The following MYO5B variants were observed in gnomAD, a reference collection of about 807,000 sequenced individuals.
MYO5B encodes the protein myosin VB, also known as unconventional myosin-Vb.
A neutral mutation model predicts 229.3 loss-of-function variants in MYO5B; 143 were observed. The observed-to-expected ratio is 0.62, with a 90% CI of 0.54 to 0.72. MYO5B has a LOEUF of 0.72. Among genes scored for constraint, MYO5B ranks in the 30% least tolerant of loss-of-function variants. The pLI is 0.00. For synonymous variants in MYO5B, 918 were observed against 885.2 expected, an observed-to-expected ratio of 1.04 and a Z score of -0.66; for missense variants, 2,321 against 2,331.0, an observed-to-expected ratio of 1.00 and a Z score of 0.09.
intron 19 of MYO5B, 152 bp from the exon 20 acceptor site, chr18:49,904,980 A>C: frequency 1.1e-5 from 10 of 882,262 alleles, no homozygotes; most frequent in Non-Finnish European, 1.8e-5. Context: ...CCCCTAACAA[A>C]TGTAGCAATG....
chr18:50,083,683 G>C (rs1196587814), intron 1 of MYO5B, among the ~76,000 whole-genome samples: 1 of 152,106 alleles, frequency 6.6e-6, no homozygotes, highest in Non-Finnish European at 1.5e-5. Context: ...AGCCTCAGAG[G>C]GTTTCCCCTC....
intron 4 of MYO5B, among the ~76,000 whole-genome samples, chr18:50,020,640 C>T (rs145644556): frequency 2.6e-4 from 40 of 152,312 alleles, no homozygotes; most frequent in African/African-American, 7.0e-4. Flanking sequence ...TCAGAAGACA[C>T]GCAGCAAGGA....
chr18:49,936,585 A>ACC (rs1328803698), intron 15 of MYO5B, among the ~76,000 whole-genome samples: 3 of 152,108 alleles, frequency 2.0e-5, no homozygotes, highest in Non-Finnish European at 4.4e-5. Context: ...GGGACAGACT[A>ACC]CCCCCTAATG....
At chr18:50,066,868 T>C (rs1237332819) in intron 1 of MYO5B, among the ~76,000 whole-genome samples, 1 of 152,198 alleles carries the variant, frequency 6.6e-6, no homozygotes, top group Non-Finnish European at 1.5e-5. Context: ...CTAGTGTTAA[T>C]ATCAAACAAA....
intron 35 of MYO5B, 74 bp downstream of exon 35, chr18:49,841,291 G>A (rs2024054096): frequency 7.9e-6 from 11 of 1,384,114 alleles, no homozygotes; most frequent in Non-Finnish European, 1.1e-5. Flanking sequence ...TGACCTCTGA[G>A]GGTATACAAA....
At chr18:49,889,602 T>G (rs184716740) in intron 22 of MYO5B, among the ~76,000 whole-genome samples, 1 of 152,302 alleles carries the variant, frequency 6.6e-6, no homozygotes, top group East Asian at 1.9e-4. Flanking sequence ...CTCCTTAACA[T>G]TCTCCTAATA....
chr18:50,151,537 C>A (rs556292801), intron 1 of MYO5B, among the ~76,000 whole-genome samples: 56 of 152,326 alleles, frequency 3.7e-4, no homozygotes, highest in African/African-American at 1.3e-3. Context: ...TAAATAAAGA[C>A]TCCATCACTT....
chr18:49,971,257 G>C (rs907817298), intron 10 of MYO5B, among the ~76,000 whole-genome samples: 2 of 152,230 alleles, frequency 1.3e-5, no homozygotes, highest in Non-Finnish European at 2.9e-5. Flanking sequence ...GGTGAGTAGA[G>C]AGGGCGAGAA....
At chr18:50,090,547 A>G (rs1388448698) in intron 1 of MYO5B, among the ~76,000 whole-genome samples, 2 of 152,126 alleles carry the variant, frequency 1.3e-5, no homozygotes, top group Non-Finnish European at 2.9e-5. Flanking sequence ...TTTACACTCA[A>G]CTGGGAAACC....
chr18:49,901,185 G>A (rs1051549058), intron 21 of MYO5B, among the ~76,000 whole-genome samples: 4 of 152,168 alleles, frequency 2.6e-5, no homozygotes, highest in Admixed American at 6.5e-5. Context: ...TACAGCATGC[G>A]ACATACGTCA....
chr18:49,935,660 T>C (rs1037203229), intron 16 of MYO5B, among the ~76,000 whole-genome samples: 4 of 152,130 alleles, frequency 2.6e-5, no homozygotes. Context: ...TGTACAAAGA[T>C]CATTAAGAGT....
chr18:50,187,660 T>A (rs2033166821), intron 1 of MYO5B, among the ~76,000 whole-genome samples: 1 of 152,052 alleles, frequency 6.6e-6, no homozygotes, highest in South Asian at 2.1e-4. Context: ...GGACCACAGG[T>A]GCATGCCATC....
chr18:50,058,132 T>C (rs532913697), intron 1 of MYO5B, among the ~76,000 whole-genome samples: 1 of 152,360 alleles, frequency 6.6e-6, no homozygotes, highest in Admixed American at 6.5e-5. Flanking sequence ...TATTCATTCA[T>C]TCATTGATGT....
intron 1 of MYO5B, among the ~76,000 whole-genome samples, chr18:50,144,386 G>T (rs1194807800): frequency 6.6e-6 from 1 of 152,124 alleles, no homozygotes; most frequent in Admixed American, 6.5e-5. Flanking sequence ...CAACCAGGAG[G>T]GGTTGGTCTG....
chr18:49,852,055 C>T (rs901801927), intron 31 of MYO5B, among the ~76,000 whole-genome samples: 1 of 152,206 alleles, frequency 6.6e-6, no homozygotes, highest in South Asian at 2.1e-4. Context: ...AGTGTCACCA[C>T]CCCAGCAGAG....
intron 1 of MYO5B, among the ~76,000 whole-genome samples, chr18:50,128,932 C>G (rs1241949269): frequency 2.0e-5 from 3 of 152,220 alleles, no homozygotes; most frequent in Non-Finnish European, 4.4e-5. Flanking sequence ...GAAAAGCAGG[C>G]TTTTTATTGA....
At chr18:50,118,547 A>G (rs912252719) in intron 1 of MYO5B, among the ~76,000 whole-genome samples, 2 of 151,272 alleles carry the variant, frequency 1.3e-5, no homozygotes, top group African/African-American at 4.9e-5. Flanking sequence ...TTTTATTATT[A>G]TTATACTTTA....
chr18:49,888,124 A>T (rs2024666066), intron 22 of MYO5B, among the ~76,000 whole-genome samples: 1 of 152,184 alleles, frequency 6.6e-6, no homozygotes, highest in South Asian at 2.1e-4. Context: ...CCTATAAAGC[A>T]AAGTTTTTCA....
chr18:50,005,792 C>G (rs1310630284), intron 4 of MYO5B, among the ~76,000 whole-genome samples: 1 of 152,200 alleles, frequency 6.6e-6, no homozygotes, highest in African/African-American at 2.4e-5. Flanking sequence ...CACTTTCCCA[C>G]CACTGCCGTT....
Sources: allele counts gnomAD v4.1 joint callset (sites outside exome capture counted in the v4.1 genomes callset), GRCh38; gene constraint gnomAD v4.1.1; transcripts MANE v1.5; gene names NCBI Gene and HGNC (gene_info 2026-07-23, HGNC 2026-07-21).